The following CAST variants were observed in gnomAD, a reference collection of about 807,000 sequenced individuals.
CAST encodes the protein calpastatin.
In CAST, 76 loss-of-function variants were observed where a neutral mutation model predicts 119.6. The ratio of observed to expected loss-of-function variants is 0.64; its 90% CI spans 0.53 to 0.77. The LOEUF (loss-of-function observed/expected upper bound fraction) is 0.77, where lower values mean the gene tolerates loss of function less well. CAST is among the 30% of genes least tolerant of loss of function. CAST has a pLI of 0.00. For synonymous variants in CAST, 319 were observed against 331.6 expected (o/e 0.96, Z 0.41); for missense variants, 953 against 946.5 (o/e 1.01, Z -0.09).
the CAST span, among the ~76,000 whole-genome samples, chr5:96,204,971 T>A: frequency 6.6e-6 from 1 of 152,124 alleles, no homozygotes; most frequent in Admixed American, 6.6e-5. Flanking sequence ...TACATTTCCT[T>A]TCCAGTATGT....
chr5:96,156,916 A>G, the CAST span, among the ~76,000 whole-genome samples: 2 of 152,226 alleles, frequency 1.3e-5, no homozygotes, highest in East Asian at 3.8e-4. Context: ...TCCTCTATCC[A>G]TAAAAATTAT....
intron 31 of CAST, chr5:96,772,172 GAT>G (rs976738157): frequency 1.3e-5 from 2 of 153,836 alleles, no homozygotes; most frequent in African/African-American, 4.8e-5. Flanking sequence ...CAAAGGAAAA[GAT>G]TGGCCATTTT....
At chr5:96,012,559 A>G in the CAST span, among the ~76,000 whole-genome samples, 1 of 152,150 alleles carries the variant, frequency 6.6e-6, no homozygotes, top group African/African-American at 2.4e-5. Context: ...CATGATCCAT[A>G]TAGGCAGTGA....
At position 96,691,533 on chromosome 5, in the gene CAST, G is replaced by A. The variant is rs142242971; in HGVS notation, c.139-4303G>A. Among the ~76,000 whole-genome samples, 407 of 152,304 alleles carry A rather than the reference G, an allele frequency of 2.7e-3. 9 individuals are homozygous for A. The highest frequency in any genetic ancestry group is 0.02 in the Admixed American group (308 of 15,296). On this transcript the variant is annotated intron_variant, in intron 2 of 31. Transcript: ENST00000675179. ...CATGTGTACCAACCAGACCCACTGG[G>A]GTTGCCCTGCAGAGGTCAGTCTGTT...
the CAST span, among the ~76,000 whole-genome samples, chr5:96,092,625 G>A: frequency 6.6e-6 from 1 of 152,126 alleles, no homozygotes; most frequent in Non-Finnish European, 1.5e-5. Context: ...TTTTGTATTT[G>A]ACCTAGAAGA....
intron 29 of CAST, chr5:96,769,275 C>T (rs1172070968): frequency 2.0e-5 from 3 of 152,232 alleles, no homozygotes; most frequent in Non-Finnish European, 2.9e-5. Flanking sequence ...CCTGGTAACT[C>T]GTAAGTAATG....
At chr5:96,564,613 C>A (rs1405261183) in intron 1 of CAST, among the ~76,000 whole-genome samples, 3 of 152,220 alleles carry the variant, frequency 2.0e-5, no homozygotes, top group Admixed American at 6.5e-5. Flanking sequence ...TCTGTGAAGG[C>A]TCCAACTTAA....
chr5:96,738,058 A>T, intron 11 of CAST, 111 bp downstream of exon 11: 1 of 642,736 alleles, frequency 1.6e-6, no homozygotes, highest in Admixed American at 2.5e-5. Context: ...GCAGTGGCTC[A>T]CATCTGTAAT....
Position 96,571,474 on chromosome 5 carries a change from C to A in CAST, c.60+41594C>A, listed in dbSNP as rs374819283. Among the ~76,000 whole-genome samples the A allele has an allele frequency of 3.9e-5, 6 of 152,284 alleles. No individual in the cohort carries two copies. The East Asian group carries it at 1.2e-3, about 29-fold the overall frequency. On this transcript the variant is annotated intron_variant, in intron 1 of 11. Coordinates refer to the CAST transcript ENST00000505143. ...TCATAGTTATTGATGGGGCTTGTGG[C>A]AGAATTGAGTTATAAAGAAACACAT...
intron 1 of CAST, among the ~76,000 whole-genome samples, chr5:96,574,898 A>G (rs1746641356): frequency 6.6e-6 from 1 of 152,252 alleles, no homozygotes; most frequent in South Asian, 2.1e-4. Context: ...ACATGTGTCT[A>G]TCTCTCTGCC....
At chr5:96,488,008 T>A in the CAST span, among the ~76,000 whole-genome samples, 1 of 152,204 alleles carries the variant, frequency 6.6e-6, no homozygotes, top group Non-Finnish European at 1.5e-5. Context: ...CATGGGAATT[T>A]TATACAATGT....
chr5:96,075,070 T>C, the CAST span, among the ~76,000 whole-genome samples: 1 of 152,232 alleles, frequency 6.6e-6, no homozygotes, highest in South Asian at 2.1e-4. Flanking sequence ...AAATTTTTCC[T>C]TCCTACTTGT....
chr5:96,125,686 G>A, the CAST span, among the ~76,000 whole-genome samples: 532 of 152,242 alleles, frequency 3.5e-3, 2 homozygotes, highest in African/African-American at 4.5e-3. Context: ...AGTGCTCAGC[G>A]CTCAATAACA....
chr5:96,113,758 G>T, the CAST span, among the ~76,000 whole-genome samples: 1 of 152,172 alleles, frequency 6.6e-6, no homozygotes, highest in African/African-American at 2.4e-5. Context: ...AGACCAGAGA[G>T]CTCAGGTTTT....
At chr5:96,221,274 A>G in the CAST span, among the ~76,000 whole-genome samples, 1 of 152,136 alleles carries the variant, frequency 6.6e-6, no homozygotes, top group Admixed American at 6.5e-5. Flanking sequence ...CAGAGCAATC[A>G]GGCAAGAGAA....
the CAST span, among the ~76,000 whole-genome samples, chr5:96,503,233 T>G: frequency 7.4e-3 from 1,122 of 152,322 alleles, 12 homozygotes; most frequent in African/African-American, 0.025. Context: ...TGATTTTCAC[T>G]TATATGTCCT....
At chr5:96,438,498 A>G in the CAST span, among the ~76,000 whole-genome samples, 1 of 152,126 alleles carries the variant, frequency 6.6e-6, no homozygotes, top group Non-Finnish European at 1.5e-5. Flanking sequence ...GGGATATTTT[A>G]TCTTTGTCTC....
the CAST span, among the ~76,000 whole-genome samples, chr5:96,387,813 A>G: frequency 6.6e-6 from 1 of 152,166 alleles, no homozygotes; most frequent in South Asian, 2.1e-4. Context: ...ACTAAGGCCA[A>G]AGGGTACTCT....
At chr5:96,095,556 C>CAAAAAAAA in the CAST span, among the ~76,000 whole-genome samples, 3 of 57,540 alleles carry the variant, frequency 5.2e-5, no homozygotes, top group African/African-American at 2.3e-4. Flanking sequence ...GACTCTGTTT[C>CAAAAAAAA]AAAAAAAAAA....
Sources: allele counts gnomAD v4.1 joint callset (sites outside exome capture counted in the v4.1 genomes callset), GRCh38; gene constraint gnomAD v4.1.1; transcripts MANE v1.5; gene names NCBI Gene and HGNC (gene_info 2026-07-23, HGNC 2026-07-21).